The following GTF2IRD1 variants were observed in gnomAD, a reference collection of about 807,000 sequenced individuals.
GTF2IRD1 encodes the protein general transcription factor II-I repeat domain-containing protein 1.
Under a neutral mutation model 113.2 loss-of-function variants are expected in GTF2IRD1, and 26 were observed. The ratio of observed to expected loss-of-function variants is 0.23; its 90% CI spans 0.17 to 0.32. The LOEUF (loss-of-function observed/expected upper bound fraction) is 0.32. Ranked by LOEUF, GTF2IRD1 falls within the 10% of genes least tolerant of loss-of-function variation. The pLI is 1.00. For synonymous variants in GTF2IRD1, 484 were observed against 529.1 expected (o/e 0.91, Z 1.17); for missense variants, 864 against 1,280.8 (o/e 0.67, Z 4.97).
intron 1 of GTF2IRD1, among the ~76,000 whole-genome samples, chr7:74,486,349 C>T (rs1795027749): frequency 6.6e-6 from 1 of 152,178 alleles, no homozygotes; most frequent in African/African-American, 2.4e-5. Context: ...GGCAGCTGCT[C>T]AGGCACATCT....
At chr7:74,536,410 GA>G in intron 11 of GTF2IRD1, 135 bp downstream of exon 11, 2 of 594,014 alleles carry the variant, frequency 3.4e-6, no homozygotes, top group Non-Finnish European at 6.0e-6. Context: ...GAGGGCAAGG[GA>G]AAACAGACTC....
At position 74,555,495 on chromosome 7, in the gene GTF2IRD1, G is replaced by A. The variant is rs782244059; in HGVS notation, c.2023+1G>A. On this transcript the variant is annotated splice_donor_variant, in intron 19 of 26. Coordinates refer to ENST00000424337, the MANE Select transcript of GTF2IRD1 (RefSeq NM_005685.4). LOFTEE classifies it high-confidence loss of function. The surrounding 1 kb of genome is among the most constrained non-coding windows in gnomAD (Gnocchi z 5.3). ...AGCCTGAAGAGACAGGGCTTTCAAG[G>A]TAAGGTTGAGCTCACGGGGAGGTCT... 1.3e-6 allele frequency: 2 copies of A among 1,589,314 alleles called. No individual in the cohort carries two copies. The highest frequency in any genetic ancestry group is 1.7e-6 in the Non-Finnish European group (2 of 1,157,500).
intron 25 of GTF2IRD1, chr7:74,595,995 G>A (rs587750965): frequency 6.6e-6 from 1 of 152,326 alleles, no homozygotes; most frequent in East Asian, 1.9e-4. Context: ...TTGGGAGAAA[G>A]TACTCCCGGG....
At chr7:74,584,179 G>A (rs184632386) in intron 22 of GTF2IRD1, among the ~76,000 whole-genome samples, 1 of 152,164 alleles carries the variant, frequency 6.6e-6, no homozygotes, top group East Asian at 1.9e-4. Context: ...AGAGGGCCTG[G>A]GTACGGTGGC....
intron 12 of GTF2IRD1, among the ~76,000 whole-genome samples, chr7:74,538,425 C>T (rs139932927): frequency 3.0e-3 from 462 of 152,328 alleles, no homozygotes; most frequent in African/African-American, 0.01. Flanking sequence ...CAGACCCAGG[C>T]TGCAGGTTCT....
intron 1 of GTF2IRD1, among the ~76,000 whole-genome samples, chr7:74,456,405 C>T (rs1159941366): frequency 6.6e-6 from 1 of 152,170 alleles, no homozygotes; most frequent in Non-Finnish European, 1.5e-5. Flanking sequence ...GTAGTCTGGC[C>T]GGGCGCAGTG....
chr7:74,464,834 C>G (rs1584453234), intron 1 of GTF2IRD1, among the ~76,000 whole-genome samples: 1 of 152,114 alleles, frequency 6.6e-6, no homozygotes, highest in Non-Finnish European at 1.5e-5. Flanking sequence ...AAGTACCTTT[C>G]CCCTGTACCC....
chr7:74,519,650 G>A lies in GTF2IRD1; in HGVS notation c.847G>A (p.Asp283Asn), dbSNP rs369890081. The A allele has an allele frequency of 3.8e-5, 61 of 1,610,016 alleles. No homozygotes were observed. Among genetic ancestry groups the A allele is most frequent in the Admixed American group, 5.0e-5 (3 of 59,516 alleles). Residue 283 changes from aspartate (D) to asparagine (N), a missense_variant, in exon 6 of 27, where the codon GAC becomes AAC. This residue lies in a region of GTF2IRD1 where 195 missense variants were observed against 196.6 expected (regional missense o/e 0.99). Transcript: ENST00000424337. ...EAPSCPLAPS[D>N]LGLSRPMPEP... ...ACCTTCCTGCCCCCTTGCCCCCAGCGACCTGGGCCTGAGTCGGCCCATGCC... is the reference window on the plus strand; with the variant it reads ...ACCTTCCTGCCCCCTTGCCCCCAGCAACCTGGGCCTGAGTCGGCCCATGCC...
intron 1 of GTF2IRD1, among the ~76,000 whole-genome samples, chr7:74,481,187 C>G (rs1794720111): frequency 6.6e-6 from 1 of 152,200 alleles, no homozygotes; most frequent in African/African-American, 2.4e-5. Context: ...TGAGGTCTTG[C>G]TCTATCGCCC....
At chr7:74,504,075 C>T (rs184505110) in intron 1 of GTF2IRD1, among the ~76,000 whole-genome samples, 1 of 152,282 alleles carries the variant, frequency 6.6e-6, no homozygotes, top group East Asian at 1.9e-4. Context: ...CATGTTGCCG[C>T]AAAGGACATG....
At chr7:74,534,818 G>A (rs1174808144) in intron 9 of GTF2IRD1, among the ~76,000 whole-genome samples, 1 of 150,580 alleles carries the variant, frequency 6.6e-6, no homozygotes, top group Non-Finnish European at 1.5e-5. Flanking sequence ...CAGAAGAATC[G>A]CTTGAACCCT....
chr7:74,578,032 T>C (rs1801182488), intron 22 of GTF2IRD1, among the ~76,000 whole-genome samples: 1 of 152,160 alleles, frequency 6.6e-6, no homozygotes, highest in African/African-American at 2.4e-5. Flanking sequence ...CTCCAACTCC[T>C]GCCCTCAAGT....
At chr7:74,503,094 G>T (rs902962501) in intron 1 of GTF2IRD1, among the ~76,000 whole-genome samples, 5 of 151,816 alleles carry the variant, frequency 3.3e-5, no homozygotes, top group African/African-American at 9.7e-5. Context: ...TTGAACCTGG[G>T]AGGTGGAGGT....
rs587674617 is a variant in GTF2IRD1 at position 74,535,792 on chromosome 7, C to G, written c.1301-375C>G. ...GGCGCCTTCCTCTGGGCTCCTGGCA[C>G]GATGACATGAGAGCCTGGTCTTGTG... On this transcript the variant is annotated intron_variant, in intron 10 of 26. Coordinates refer to ENST00000424337, the MANE Select transcript of GTF2IRD1 (RefSeq NM_005685.4). Among the ~76,000 whole-genome samples, 207 of 152,316 alleles carry G rather than the reference C, an allele frequency of 1.4e-3. 1 individual carries two copies. The highest frequency in any genetic ancestry group is 1.6e-3 in the Non-Finnish European group (106 of 68,022).
At chr7:74,480,398 A>T (rs1437335844) in intron 1 of GTF2IRD1, among the ~76,000 whole-genome samples, 3 of 152,186 alleles carry the variant, frequency 2.0e-5, no homozygotes, top group Admixed American at 2.0e-4. Context: ...TGCAGGGGCA[A>T]GCGCCCCCTC....
intron 22 of GTF2IRD1, among the ~76,000 whole-genome samples, chr7:74,573,687 C>T (rs782814356): frequency 1.3e-5 from 2 of 152,134 alleles, no homozygotes; most frequent in Non-Finnish European, 2.9e-5. Context: ...AACCATGGCT[C>T]AGCACATGTG....
intron 1 of GTF2IRD1, among the ~76,000 whole-genome samples, chr7:74,469,568 A>G (rs1309682221): frequency 6.6e-6 from 1 of 152,108 alleles, no homozygotes; most frequent in Non-Finnish European, 1.5e-5. Flanking sequence ...AGTGAGTATA[A>G]TGTGTTCAAG....
At chr7:74,508,455 G>T (rs1796423513) in intron 2 of GTF2IRD1, among the ~76,000 whole-genome samples, 2 of 152,158 alleles carry the variant, frequency 1.3e-5, no homozygotes, top group African/African-American at 2.4e-5. Flanking sequence ...ACTTTGGGAG[G>T]CCGGGGTCGG....
At chr7:74,487,315 G>C (rs1056038129) in intron 1 of GTF2IRD1, 1 of 152,274 alleles carries the variant, frequency 6.6e-6, no homozygotes, top group Non-Finnish European at 1.5e-5. Flanking sequence ...GGGATTACAG[G>C]CGTGAGCCAC....
Sources: allele counts gnomAD v4.1 joint callset (sites outside exome capture counted in the v4.1 genomes callset), GRCh38; gene constraint gnomAD v4.1.1; regional missense constraint gnomAD v4.1.1; non-coding constraint Gnocchi (gnomAD v3.1); transcripts MANE v1.5; gene names NCBI Gene and HGNC (gene_info 2026-07-23, HGNC 2026-07-21).